Variants in ANXA4 observed in about 807,000 individuals in gnomAD.
The protein encoded by ANXA4 is annexin A4, also known as 35-beta calcimedin.
In ANXA4, 39 loss-of-function variants were observed where a neutral mutation model predicts 49.8. The ratio of observed to expected loss-of-function variants is 0.78; its 90% CI spans 0.61 to 1.02. ANXA4 has a LOEUF of 1.02. Ranked by LOEUF, ANXA4 falls within the 50% of genes least tolerant of loss-of-function variation. ANXA4 has a pLI of 0.00. For missense variants in ANXA4, 360 were observed against 410.1 expected, an observed-to-expected ratio of 0.88 and a Z score of 1.05; for synonymous variants, 134 against 152.5, an observed-to-expected ratio of 0.88 and a Z score of 0.89.
At chr2:69,820,945 C>A in intron 12 of ANXA4, 124 bp downstream of exon 12, 2 of 1,066,134 alleles carry the variant, frequency 1.9e-6, no homozygotes, top group Non-Finnish European at 2.6e-6. Context: ...ATTATGCTCC[C>A]GATATTTCCA....
At chr2:69,649,425 T>A (rs1676138144) in intron 1 of ANXA4, among the ~76,000 whole-genome samples, 1 of 151,390 alleles carries the variant, frequency 6.6e-6, no homozygotes, top group African/African-American at 2.4e-5. Context: ...ATATTTATAT[T>A]TTATTTTTTT....
At chr2:69,805,814 T>A (rs1673422570) in intron 4 of ANXA4, among the ~76,000 whole-genome samples, 1 of 152,218 alleles carries the variant, frequency 6.6e-6, no homozygotes, top group Non-Finnish European at 1.5e-5. Flanking sequence ...GTGGGTTATA[T>A]CTTTTGATAT....
chr2:69,771,027 G>A (rs999335067), intron 1 of ANXA4, among the ~76,000 whole-genome samples: 2 of 145,960 alleles, frequency 1.4e-5, no homozygotes, highest in Non-Finnish European at 3.0e-5. Flanking sequence ...TAAGTAGTTC[G>A]AGGCTGAAGT....
At position 69,733,560 on chromosome 2, in the gene ANXA4, A is replaced by G. The variant is rs112413526; in HGVS notation, n.864+12689A>G. Among the ~76,000 whole-genome samples the G allele has an allele frequency of 7.1e-3, 1,072 of 151,834 alleles. 15 individuals are homozygous for G. The highest frequency in any genetic ancestry group is 0.024 in the African/African-American group (1,000 of 41,366). On this transcript the variant is annotated intron_variant and non_coding_transcript_variant, in intron 3 of 3. Transcript: ENST00000418066. ...ACAGGAAGTTGAGACTTCAGTGAGC[A>G]GTGATTGCACCACTGCACTCCAGCC...
chr2:69,709,607 G>T (rs139437290), intron 2 of ANXA4, among the ~76,000 whole-genome samples: 1 of 152,080 alleles, frequency 6.6e-6, no homozygotes, highest in Non-Finnish European at 1.5e-5. Context: ...GTACATACAC[G>T]GGAAGCCACA....
At chr2:69,757,266 A>ATATTT (rs1424932911) in intron 1 of ANXA4, among the ~76,000 whole-genome samples, 1 of 27,644 alleles carries the variant, frequency 3.6e-5, no homozygotes, top group Admixed American at 6.6e-4. Context: ...ATATATATAT[A>ATATTT]TTTTTTTTTT....
At chr2:69,810,556 T>C (rs772363880) in intron 6 of ANXA4, 38 bp from the exon 7 acceptor site, 1 of 1,570,194 alleles carries the variant, frequency 6.4e-7, no homozygotes, top group Non-Finnish European at 8.8e-7. Flanking sequence ...TGGGCAAGAC[T>C]CTTAATTCTG....
At chr2:69,651,870 C>T (rs1306597368) in intron 1 of ANXA4, among the ~76,000 whole-genome samples, 1 of 129,514 alleles carries the variant, frequency 7.7e-6, no homozygotes, top group Non-Finnish European at 1.5e-5. Context: ...GGCTGGAGTG[C>T]AGTGGCGTGA....
chr2:69,675,037 C>T lies in ANXA4; in HGVS notation n.766+21755C>T, dbSNP rs547728570. 5.8e-4 allele frequency among the ~76,000 whole-genome samples: 88 copies of T among 152,090 alleles called. No individual in the cohort carries two copies. The South Asian group carries it at 0.011, about 20-fold the overall frequency. On this transcript the variant is annotated intron_variant and non_coding_transcript_variant, in intron 2 of 3. Transcript: ENST00000418066. ...TCCCGGGTTCAAGCGATTCTCCTGCCTCAGCCTCCTGAGTAGCTGAGACTA... is the reference window on the plus strand; with the variant it reads ...TCCCGGGTTCAAGCGATTCTCCTGCTTCAGCCTCCTGAGTAGCTGAGACTA...
Position 69,731,976 on chromosome 2 carries a change from C to CTTTTTTTTTTTTT in ANXA4, n.864+11108_864+11109insTTTTTTTTTTTTT, listed in dbSNP as rs1349540007. On this transcript the variant is annotated intron_variant and non_coding_transcript_variant, in intron 3 of 3. Coordinates refer to the ANXA4 transcript ENST00000418066. ...CTATTTCTTAGTTACATTTTCTTTT[C>CTTTTTTTTTTTTT]TTTCTTTTTTTTTTTTTTTTTTGAG... is the stretch of plus-strand genomic sequence containing the variant. Among the ~76,000 whole-genome samples the CTTTTTTTTTTTTT allele has an allele frequency of 2.2e-4, 24 of 107,004 alleles. 1 individual carries two copies. Among genetic ancestry groups the CTTTTTTTTTTTTT allele is most frequent in the African/African-American group, 8.0e-4 (20 of 24,928 alleles). 70.2% of individuals were successfully genotyped at this position (107,004 alleles called of 152,430 possible). A position where few individuals can be genotyped will look rare whatever the true frequency, so the allele number is the denominator to read the frequency against.
chr2:69,786,012 T>G (rs1011104586), intron 2 of ANXA4, among the ~76,000 whole-genome samples: 3 of 152,218 alleles, frequency 2.0e-5, no homozygotes, highest in Admixed American at 2.0e-4. Flanking sequence ...ATCCCGACTT[T>G]ATTATACTGG....
upstream of ANXA4, among the ~76,000 whole-genome samples, chr2:69,740,171 A>G (rs1054552563): frequency 6.6e-6 from 1 of 151,866 alleles, no homozygotes; most frequent in Non-Finnish European, 1.5e-5. Context: ...TCATTCCTAA[A>G]CTTTATTTTT....
At chr2:69,743,823 T>C (rs537831641) in intron 1 of ANXA4, among the ~76,000 whole-genome samples, 1 of 152,188 alleles carries the variant, frequency 6.6e-6, no homozygotes, top group Non-Finnish European at 1.5e-5. Flanking sequence ...TTAGGGATAA[T>C]GTTTCTCTGC....
intron 2 of ANXA4, among the ~76,000 whole-genome samples, chr2:69,689,630 T>G (rs1677898670): frequency 6.6e-6 from 1 of 152,230 alleles, no homozygotes; most frequent in Non-Finnish European, 1.5e-5. Context: ...TTATGGCGTA[T>G]CATAATAATG....
At chr2:69,718,544 A>G (rs1357172117) in intron 2 of ANXA4, among the ~76,000 whole-genome samples, 1 of 152,240 alleles carries the variant, frequency 6.6e-6, no homozygotes, top group African/African-American at 2.4e-5. Flanking sequence ...TTGTGGAATT[A>G]CTTACACTTT....
intron 1 of ANXA4, among the ~76,000 whole-genome samples, chr2:69,760,084 G>T (rs1271842276): frequency 6.6e-6 from 1 of 152,002 alleles, no homozygotes; most frequent in East Asian, 1.9e-4. Context: ...CACCCGCCTC[G>T]GCCTCCCAAA....
chr2:69,744,065 G>A (rs1670516633), intron 1 of ANXA4, among the ~76,000 whole-genome samples: 1 of 152,198 alleles, frequency 6.6e-6, no homozygotes, highest in Non-Finnish European at 1.5e-5. Context: ...ATTGTGGGCA[G>A]TGTGCCAGGG....
intron 1 of ANXA4, among the ~76,000 whole-genome samples, chr2:69,771,001 G>T (rs538820731): frequency 7.3e-5 from 11 of 150,070 alleles, no homozygotes; most frequent in African/African-American, 2.7e-4. Context: ...GGCTGAGGCG[G>T]CAGGATCTCT....
At chr2:69,806,316 A>C (rs1266231833) in intron 4 of ANXA4, 69 bp from the exon 5 acceptor site, 2 of 1,153,858 alleles carry the variant, frequency 1.7e-6, no homozygotes, top group Non-Finnish European at 2.6e-6. Context: ...ACATCCCTGG[A>C]CCACACCTGG....
Sources: allele counts gnomAD v4.1 joint callset (sites outside exome capture counted in the v4.1 genomes callset), GRCh38; gene constraint gnomAD v4.1.1; transcripts MANE v1.5; gene names NCBI Gene and HGNC (gene_info 2026-07-23, HGNC 2026-07-21).